ROBO1: variants seen among roughly 807,000 people sequenced by gnomAD.
ROBO1 encodes the protein roundabout homolog 1.
ROBO1 carries 149 observed loss-of-function variants against 195.9 expected under a neutral mutation model. That is an observed-to-expected ratio of 0.76 (90% CI 0.67 to 0.87). ROBO1 has a LOEUF of 0.87. ROBO1 is among the 40% of genes least tolerant of loss of function. ROBO1 has a pLI of 0.00. For missense variants in ROBO1, 1,933 were observed against 2,068.3 expected, an observed-to-expected ratio of 0.93 and a Z score of 1.27; for synonymous variants, 816 against 733.2, an observed-to-expected ratio of 1.11 and a Z score of -1.82.
intron 2 of ROBO1, among the ~76,000 whole-genome samples, chr3:79,422,927 T>C (rs1194165517): frequency 1.3e-5 from 2 of 152,140 alleles, no homozygotes; most frequent in Non-Finnish European, 2.9e-5. Flanking sequence ...CAATTCATAT[T>C]ATCTCTGCAG....
intron 2 of ROBO1, among the ~76,000 whole-genome samples, chr3:79,348,067 C>A (rs371630321): frequency 1.3e-5 from 2 of 151,916 alleles, no homozygotes; most frequent in East Asian, 3.9e-4. Flanking sequence ...AAAAATTAGC[C>A]GGGTGTGGTG....
intron 4 of ROBO1, among the ~76,000 whole-genome samples, chr3:78,937,055 TA>T (rs2107676078): frequency 6.6e-6 from 1 of 152,240 alleles, no homozygotes; most frequent in African/African-American, 2.4e-5. Context: ...TAGCTAGTTT[TA>T]ACACAGTTTA....
intron 2 of ROBO1, among the ~76,000 whole-genome samples, chr3:79,310,997 T>C (rs889017330): frequency 1.3e-5 from 2 of 152,194 alleles, no homozygotes; most frequent in African/African-American, 4.8e-5. Context: ...CAGATGAAAA[T>C]ATCAGTATTG....
chr3:78,717,375 C>A lies in ROBO1; in HGVS notation c.817G>T (p.Val273Leu). Residue 273 changes from valine (V) to leucine (L), a missense_variant, in exon 7 of 31, where the codon GTA becomes TTA. Around this residue, in one of 3 missense-constraint regions of ROBO1, gnomAD observed 1,737 missense variants for 1,882.5 expected, o/e 0.92. Coordinates refer to ENST00000464233, the MANE Select transcript of ROBO1 (RefSeq NM_002941.4). ...AATTCTGCACTGTCATCCACAGTTACTGCCAAGTTACTGGGTCTCTTCACA... is the reference window on the plus strand; with the variant it reads ...AATTCTGCACTGTCATCCACAGTTAATGCCAAGTTACTGGGTCTCTTCACA... ...SFVKRPSNLAVTVDDSAEFKC... is the reference protein window; with the variant it reads ...SFVKRPSNLALTVDDSAEFKC... 6.2e-7 allele frequency: 1 copy of A among 1,613,602 alleles called. No individual in the cohort carries two copies. The highest frequency in any genetic ancestry group is 8.5e-7 in the Non-Finnish European group (1 of 1,179,556).
chr3:79,559,872 G>A (rs9851002), intron 2 of ROBO1, among the ~76,000 whole-genome samples: 4 of 151,938 alleles, frequency 2.6e-5, no homozygotes, highest in South Asian at 2.1e-4. Context: ...AGCTGAGATC[G>A]TACCATTGCA....
chr3:79,193,768 C>G (rs1400557681), intron 2 of ROBO1, among the ~76,000 whole-genome samples: 1 of 151,288 alleles, frequency 6.6e-6, no homozygotes, highest in African/African-American at 2.4e-5. Flanking sequence ...GGAAAGAAGA[C>G]ACTCCAGGAC....
At chr3:78,893,086 T>A (rs2107386517) in intron 4 of ROBO1, among the ~76,000 whole-genome samples, 1 of 152,354 alleles carries the variant, frequency 6.6e-6, no homozygotes, top group African/African-American at 2.4e-5. Context: ...AGGAGATTTG[T>A]TCTTGACATC....
At chr3:78,891,183 C>T (rs2036866756) in intron 4 of ROBO1, among the ~76,000 whole-genome samples, 2 of 152,212 alleles carry the variant, frequency 1.3e-5, no homozygotes, top group East Asian at 1.9e-4. Flanking sequence ...GACCACCCCA[C>T]CTGCAAGTAA....
At chr3:78,617,521 A>AT in intron 27 of ROBO1, 114 bp downstream of exon 27, 2 of 1,130,988 alleles carry the variant, frequency 1.8e-6, no homozygotes, top group Non-Finnish European at 2.4e-6. Flanking sequence ...AAAAAAAAAA[A>AT]CTGTAAGAAT....
At chr3:78,909,081 A>C in intron 4 of ROBO1, among the ~76,000 whole-genome samples, 1 of 151,848 alleles carries the variant, frequency 6.6e-6, no homozygotes, top group East Asian at 1.9e-4. Context: ...AAATATGATT[A>C]TGTTTCATGT....
chr3:79,385,234 T>C (rs1209482688), intron 2 of ROBO1, among the ~76,000 whole-genome samples: 1 of 152,154 alleles, frequency 6.6e-6, no homozygotes, highest in Admixed American at 6.5e-5. Context: ...ATGCATACTA[T>C]GTCAATATTA....
intron 3 of ROBO1, among the ~76,000 whole-genome samples, chr3:78,951,608 G>C (rs1393516818): frequency 1.3e-5 from 2 of 152,090 alleles, no homozygotes; most frequent in Non-Finnish European, 2.9e-5. Context: ...ACTGCCCTCT[G>C]CAAGAATCCT....
chr3:79,502,404 G>C (rs1345710034), intron 2 of ROBO1, among the ~76,000 whole-genome samples: 2 of 152,190 alleles, frequency 1.3e-5, no homozygotes, highest in Non-Finnish European at 2.9e-5. Flanking sequence ...TGGGCCAGCA[G>C]CTGCTGTACT....
At chr3:78,926,139 G>T (rs1454652861) in intron 4 of ROBO1, among the ~76,000 whole-genome samples, 1 of 152,070 alleles carries the variant, frequency 6.6e-6, no homozygotes, top group Non-Finnish European at 1.5e-5. Context: ...AAAGTGCTGG[G>T]ATTATAGGCG....
intron 2 of ROBO1, among the ~76,000 whole-genome samples, chr3:79,190,929 A>T (rs1434536549): frequency 6.6e-6 from 1 of 151,628 alleles, no homozygotes; most frequent in East Asian, 1.9e-4. Flanking sequence ...AGAGATACAT[A>T]TAAATATATT....
intron 1 of ROBO1, among the ~76,000 whole-genome samples, chr3:79,655,510 A>C (rs1265160384): frequency 6.6e-6 from 1 of 152,084 alleles, no homozygotes; most frequent in Non-Finnish European, 1.5e-5. Context: ...TATCAAATCT[A>C]TCAATTTTTA....
intron 3 of ROBO1, among the ~76,000 whole-genome samples, chr3:78,955,750 T>A (rs1422198741): frequency 6.6e-6 from 1 of 152,156 alleles, no homozygotes; most frequent in Admixed American, 6.6e-5. Flanking sequence ...GGATTGCAAT[T>A]TTAAGGATAA....
At chr3:79,756,441 C>A (rs1244806164) in intron 1 of ROBO1, among the ~76,000 whole-genome samples, 1 of 150,778 alleles carries the variant, frequency 6.6e-6, no homozygotes, top group African/African-American at 2.4e-5. Context: ...CCCAGCTACT[C>A]AGGGGGCGGA....
chr3:78,916,859 A>G (rs1193223707), intron 4 of ROBO1, among the ~76,000 whole-genome samples: 1 of 152,172 alleles, frequency 6.6e-6, no homozygotes, highest in Non-Finnish European at 1.5e-5. Flanking sequence ...AAAGAAGCCC[A>G]TATGGTGGCT....
Sources: gnomAD v4.1 joint callset for allele counts (sites outside exome capture counted in the v4.1 genomes callset) on GRCh38, gnomAD v4.1.1 for gene constraint, gnomAD v4.1.1 regional missense constraint, MANE v1.5 for transcripts, NCBI Gene and HGNC (gene_info 2026-07-23, HGNC 2026-07-21) for gene names.